Variants in USP34 observed in about 807,000 individuals in gnomAD.
USP34 encodes ubiquitin carboxyl-terminal hydrolase 34.
A neutral mutation model predicts 460.3 loss-of-function variants in USP34; 70 were observed. The observed-to-expected ratio is 0.15, with a 90% CI of 0.13 to 0.19. The LOEUF (loss-of-function observed/expected upper bound fraction) is 0.19. USP34 is among the 10% of genes least tolerant of loss of function. The pLI is 1.00. For synonymous variants in USP34, 1,647 were observed against 1,405.3 expected (o/e 1.17, Z -3.85); for missense variants, 3,985 against 4,236.2 (o/e 0.94, Z 1.65).
intron 18 of USP34, among the ~76,000 whole-genome samples, chr2:61,336,179 G>A (rs895070108): frequency 7.4e-5 from 11 of 148,838 alleles, no homozygotes; most frequent in Non-Finnish European, 1.5e-4. Flanking sequence ...AAGTCTCACT[G>A]TGTTGCTCAG....
intron 7 of USP34, 105 bp downstream of exon 7, chr2:61,380,064 C>G (rs1250008197): frequency 7.5e-6 from 7 of 927,218 alleles, no homozygotes; most frequent in East Asian, 2.6e-5. Context: ...ACATAAAATA[C>G]TTAGCACAAT....
At position 61,347,983 on chromosome 2, in the gene USP34, T is replaced by C. The variant is rs376138370; in HGVS notation, c.2172A>G (p.Thr724=). The part of the protein sequence containing the change: ...IAQGSQESCI[T]RTGDFLGETI... Reference sequence around the variant, plus strand: ...TCTCCCCAAGGAAGTCCCCAGTTCGTGTGATACAAGACTCCTGAGACCCTT... The same window carrying C: ...TCTCCCCAAGGAAGTCCCCAGTTCGCGTGATACAAGACTCCTGAGACCCTT... The change falls in exon 15 of 80, where the codon ACA becomes ACG. Residue 724 remains threonine, a synonymous_variant. Coordinates refer to ENST00000398571, the MANE Select transcript of USP34 (RefSeq NM_014709.4). The C allele has an allele frequency of 2.5e-6, 4 of 1,614,050 alleles. No individual in the cohort carries two copies. Among genetic ancestry groups the C allele is most frequent in the Non-Finnish European group, 3.4e-6 (4 of 1,180,032 alleles).
At chr2:61,433,635 A>T (rs1694737395) in intron 1 of USP34, among the ~76,000 whole-genome samples, 1 of 152,160 alleles carries the variant, frequency 6.6e-6, no homozygotes, top group Non-Finnish European at 1.5e-5. Flanking sequence ...CTCCATCTCA[A>T]AAACTATAAA....
intron 1 of USP34, among the ~76,000 whole-genome samples, chr2:61,438,931 T>C (rs1469571892): frequency 6.6e-6 from 1 of 152,142 alleles, no homozygotes; most frequent in East Asian, 1.9e-4. Context: ...TATGCTCCAC[T>C]AAAAACACAC....
At position 61,394,037 on chromosome 2, in the gene USP34, C is replaced by T. The variant is rs1355468417; in HGVS notation, c.753+816G>A. Among the ~76,000 whole-genome samples, 12 of 152,110 alleles carry T rather than the reference C, an allele frequency of 7.9e-5. No individual in the cohort carries two copies. In the South Asian group the frequency reaches 8.3e-4, roughly 11 times the overall value. On this transcript the variant is annotated intron_variant, in intron 5 of 79. Coordinates refer to ENST00000398571, the MANE Select transcript of USP34 (RefSeq NM_014709.4). ...TTGGGAGGCTGAGGCAGAAGAATCG[C>T]TTGAACCCAGGAGGCGGAGGGTGCA...
At chr2:61,268,830 G>C (rs538156805) in intron 41 of USP34, among the ~76,000 whole-genome samples, 1 of 152,042 alleles carries the variant, frequency 6.6e-6, no homozygotes, top group Admixed American at 6.6e-5. Flanking sequence ...ATATTAATAA[G>C]GACCATCCTT....
chr2:61,402,911 A>G (rs1693763399), intron 3 of USP34, among the ~76,000 whole-genome samples: 1 of 152,168 alleles, frequency 6.6e-6, no homozygotes, highest in African/African-American at 2.4e-5. Flanking sequence ...TCTTTGATCT[A>G]AGACCATTTG....
chr2:61,256,629 C>A, intron 47 of USP34, 151 bp from the exon 48 acceptor site: 3 of 674,628 alleles, frequency 4.4e-6, no homozygotes, highest in Non-Finnish European at 4.7e-6. Flanking sequence ...AACTGTTTTT[C>A]CTCATATTAA....
intron 41 of USP34, among the ~76,000 whole-genome samples, chr2:61,274,116 G>A (rs1350579434): frequency 3.3e-5 from 5 of 151,964 alleles, no homozygotes; most frequent in Non-Finnish European, 7.4e-5. Context: ...CAGGCCAGGT[G>A]AGGTGGTTCA....
intron 33 of USP34, among the ~76,000 whole-genome samples, chr2:61,292,030 G>C (rs7561697): frequency 0.53 from 79,995 of 151,870 alleles, 21,382 homozygotes; most frequent in South Asian, 0.74. Flanking sequence ...AAACAGAAAG[G>C]AGACTATAAT....
At position 61,284,944 on chromosome 2, in the gene USP34, A is replaced by T; in HGVS notation, c.4763T>A (p.Leu1588His). ...IPRLTEVFLV[L>H]VQGTSLIQRL... Reference sequence around the variant, plus strand: ...CTGAATCAAACTGGTTCCTTGGACAAGAACAAGAAATACCTTTAAAACAAA... The same window carrying T: ...CTGAATCAAACTGGTTCCTTGGACATGAACAAGAAATACCTTTAAAACAAA... Residue 1588 changes from leucine to histidine, a missense_variant, in exon 35 of 80, where the codon CTT (leucine) becomes CAT (histidine). Leu to His is a moderately conservative substitution (Grantham distance 99, BLOSUM62 -3). Coordinates refer to ENST00000398571, the MANE Select transcript of USP34 (RefSeq NM_014709.4). 1 of 1,610,248 alleles carries T rather than the reference A, an allele frequency of 6.2e-7. No homozygotes were observed. Among genetic ancestry groups the T allele is most frequent in the Non-Finnish European group, 8.5e-7 (1 of 1,178,550 alleles).
intron 68 of USP34, among the ~76,000 whole-genome samples, chr2:61,212,146 G>A (rs1231796383): frequency 6.6e-6 from 1 of 152,176 alleles, no homozygotes; most frequent in African/African-American, 2.4e-5. Context: ...GCAGAGGCGG[G>A]CAGATTGCCT....
chr2:61,386,557 G>C (rs538448704), intron 5 of USP34, among the ~76,000 whole-genome samples: 1 of 152,100 alleles, frequency 6.6e-6, no homozygotes, highest in African/African-American at 2.4e-5. Flanking sequence ...TTGGGGAGCC[G>C]AGGCAGATGG....
intron 29 of USP34, among the ~76,000 whole-genome samples, chr2:61,300,482 G>A (rs546134213): frequency 1.7e-4 from 24 of 141,864 alleles, no homozygotes; most frequent in African/African-American, 5.0e-4. Flanking sequence ...CCACCGCCCC[G>A]GCCCAATTTT....
chr2:61,390,494 A>G (rs1039783480), intron 5 of USP34, among the ~76,000 whole-genome samples: 5 of 152,256 alleles, frequency 3.3e-5, no homozygotes, highest in African/African-American at 1.2e-4. Context: ...AACTACATAA[A>G]GATCTTTGTT....
Position 61,284,892 on chromosome 2 carries a change from A to G in USP34, c.4815T>C (p.Tyr1605=), listed in dbSNP as rs765175455. The G allele has an allele frequency of 1.9e-6, 3 of 1,610,124 alleles. No homozygotes were observed. Among genetic ancestry groups the G allele is most frequent in the African/African-American group, 1.3e-5 (1 of 74,850 alleles). ...IQRLMSVAYT[Y]DNLAPRVLKA... ...ATGCATACCTAGGAGCCAGATTATC[A>G]TACGTATAAGCAACAGACATAAGTC... is the stretch of plus-strand genomic sequence containing the variant. Residue 1605 remains tyrosine (Y), a synonymous_variant, in exon 35 of 80, where the codon TAT becomes TAC. Coordinates refer to ENST00000398571, the MANE Select transcript of USP34 (RefSeq NM_014709.4).
chr2:61,314,843 T>A, intron 24 of USP34, 32 bp downstream of exon 24: 1 of 1,599,094 alleles, frequency 6.3e-7, no homozygotes, highest in South Asian at 1.1e-5. Flanking sequence ...CACATAGAAA[T>A]TACCTATCAG....
At chr2:61,198,840 G>C (rs1056968592) in intron 75 of USP34, among the ~76,000 whole-genome samples, 1 of 152,182 alleles carries the variant, frequency 6.6e-6, no homozygotes, top group Admixed American at 6.5e-5. Flanking sequence ...CTGCACTCCA[G>C]CCTGGGCGAC....
intron 71 of USP34, 72 bp downstream of exon 71, chr2:61,206,688 C>T (rs1238681158): frequency 1.3e-5 from 20 of 1,552,356 alleles, no homozygotes; most frequent in Non-Finnish European, 1.7e-5. Flanking sequence ...TTCTCTGGGG[C>T]ACATGATTTT....
Sources: gnomAD v4.1 joint callset for allele counts (sites outside exome capture counted in the v4.1 genomes callset) on GRCh38, gnomAD v4.1.1 for gene constraint, MANE v1.5 for transcripts, NCBI Gene and HGNC (gene_info 2026-07-23, HGNC 2026-07-21) for gene names.